SNX6: variants seen among roughly 807,000 people sequenced by gnomAD.
The protein encoded by SNX6 is sorting nexin-6.
A neutral mutation model predicts 63.0 loss-of-function variants in SNX6; 34 were observed. The observed-to-expected ratio is 0.54, with a 90% CI of 0.41 to 0.72. The LOEUF is 0.72. SNX6 is among the 30% of genes least tolerant of loss of function. The probability of loss-of-function intolerance (pLI) is 0.00; values close to 1 mark genes in which losing one functional copy is unlikely to be tolerated. For missense variants in SNX6, 398 were observed against 471.4 expected, an observed-to-expected ratio of 0.84 and a Z score of 1.44; for synonymous variants, 170 against 164.2, an observed-to-expected ratio of 1.04 and a Z score of -0.27.
chr14:34,592,139 G>T (rs1882418376), intron 8 of SNX6, among the ~76,000 whole-genome samples: 1 of 152,208 alleles, frequency 6.6e-6, no homozygotes. Flanking sequence ...TGTAATCCCT[G>T]CACTTTGGAA....
intron 7 of SNX6, among the ~76,000 whole-genome samples, chr14:34,596,794 G>A (rs1367138828): frequency 6.6e-6 from 1 of 151,702 alleles, no homozygotes; most frequent in Non-Finnish European, 1.5e-5. Context: ...TCAGCCTCCC[G>A]AGTAGCTGGG....
At chr14:34,568,851 A>G (rs879237682) in intron 11 of SNX6, 3 of 1,082,538 alleles carry the variant, frequency 2.8e-6, no homozygotes, top group Admixed American at 3.5e-5. Context: ...AGCCTCGGCT[A>G]AAGTGGCCAG....
rs537262744 is a variant in SNX6 at position 34,627,175 on chromosome 14, G to A, written c.54+2732C>T. The stretch of plus-strand genomic sequence containing the variant: ...TAAAAAAAAATTGTTGGCCAGGCGC[G>A]GTGGCTCACGCCTGTAATCCCAGCA... On this transcript the variant is annotated intron_variant, in intron 2 of 13. Transcript: ENST00000362031. Among the ~76,000 whole-genome samples the A allele has an allele frequency of 6.6e-5, 10 of 152,278 alleles. No homozygotes were observed. The Middle Eastern group carries it at 0.01, about 155-fold the overall frequency.
In SNX6 at chr14:34,563,051, A is replaced by G; in HGVS notation, c.*71T>C. 6 of 1,459,572 alleles carry G rather than the reference A, an allele frequency of 4.1e-6. No individual in the cohort carries two copies. The South Asian group carries it at 7.1e-5, about 17-fold the overall frequency. 90.4% of individuals were successfully genotyped at this position (1,459,572 alleles called of 1,614,324 possible). A position where few individuals can be genotyped will look rare whatever the true frequency, so the allele number is the denominator to read the frequency against. The stretch of plus-strand genomic sequence containing the variant: ...TTGTTTCCAGTGAGCATAAATGCTT[A>G]ACATCATTAAGAAAACAAAAATAAA... On this transcript the variant is annotated 3_prime_UTR_variant, in exon 14 of 14. Transcript: ENST00000362031.
At chr14:34,610,485 C>T (rs141262280) in intron 2 of SNX6, among the ~76,000 whole-genome samples, 141 of 151,304 alleles carry the variant, frequency 9.3e-4, no homozygotes, top group Non-Finnish European at 1.6e-3. Context: ...AATAAGAAGA[C>T]TATCAAGCAA....
At chr14:34,624,796 GA>G (rs1251575442) in intron 2 of SNX6, among the ~76,000 whole-genome samples, 96 of 146,278 alleles carry the variant, frequency 6.6e-4, no homozygotes, top group South Asian at 3.5e-3. Context: ...CTCCGTCTAG[GA>G]AAAAAAAAAA....
At chr14:34,606,593 C>T (rs1883030071) in intron 4 of SNX6, among the ~76,000 whole-genome samples, 1 of 152,018 alleles carries the variant, frequency 6.6e-6, no homozygotes, top group African/African-American at 2.4e-5. Context: ...GCTGGGATTA[C>T]AGGCATGTGC....
At chr14:34,604,721 C>T (rs1433538590) in intron 5 of SNX6, among the ~76,000 whole-genome samples, 2 of 151,986 alleles carry the variant, frequency 1.3e-5, no homozygotes, top group African/African-American at 4.8e-5. Flanking sequence ...TATCCCTACC[C>T]GAAAATCTGA....
At chr14:34,589,660 TA>T (rs202163988) in intron 8 of SNX6, among the ~76,000 whole-genome samples, 2 of 150,116 alleles carry the variant, frequency 1.3e-5, no homozygotes, top group African/African-American at 2.5e-5. Flanking sequence ...ACCCCATCTC[TA>T]AAAAAAAATA....
At chr14:34,603,606 C>T in intron 5 of SNX6, 135 bp from the exon 6 acceptor site, 1 of 706,532 alleles carries the variant, frequency 1.4e-6, no homozygotes, top group Non-Finnish European at 2.1e-6. Context: ...TTCATGTAAA[C>T]AAGGTTTTTA....
At chr14:34,587,389 C>G (rs953863215) in intron 8 of SNX6, among the ~76,000 whole-genome samples, 2 of 151,486 alleles carry the variant, frequency 1.3e-5, no homozygotes, top group African/African-American at 4.8e-5. Context: ...AAGAATTAGC[C>G]GAGTGTGGTG....
rs1882268825 is a variant in SNX6 at position 34,588,625 on chromosome 14, T to G, written c.719-2320A>C. ...CCAATCTGACTAAAGATGTATAAGA[T>G]CTATACAATGAAAACTACAAAACAC... On this transcript the variant is annotated intron_variant, in intron 8 of 13. Transcript: ENST00000362031. Among the ~76,000 whole-genome samples, 3 of 151,998 alleles carry G rather than the reference T, an allele frequency of 2.0e-5. No homozygotes were observed. The South Asian group carries it at 6.2e-4, about 31-fold the overall frequency.
chr14:34,605,839 G>C (rs918600868), intron 4 of SNX6, 122 bp from the exon 5 acceptor site: 2 of 1,203,958 alleles, frequency 1.7e-6, no homozygotes, highest in African/African-American at 1.6e-5. Context: ...CTGAACACCA[G>C]GAACACCCAA....
intron 5 of SNX6, chr14:34,604,301 C>G: frequency 8.1e-7 from 1 of 1,234,078 alleles, no homozygotes; most frequent in Non-Finnish European, 1.0e-6. Flanking sequence ...ATGATCAGGG[C>G]CACTGGAAAA....
chr14:34,585,876 G>A (rs575065413), intron 9 of SNX6, among the ~76,000 whole-genome samples: 91 of 151,774 alleles, frequency 6.0e-4, no homozygotes, highest in African/African-American at 2.0e-3. Flanking sequence ...ACAGGCATGA[G>A]CCACTGTGCC....
At chr14:34,599,943 T>C (rs753022574) in intron 6 of SNX6, among the ~76,000 whole-genome samples, 5 of 152,074 alleles carry the variant, frequency 3.3e-5, no homozygotes, top group Admixed American at 6.6e-5. Flanking sequence ...TAGCTCAAAT[T>C]CTAACAGCAA....
intron 8 of SNX6, among the ~76,000 whole-genome samples, chr14:34,592,605 A>G (rs1391828037): frequency 6.6e-6 from 1 of 152,128 alleles, no homozygotes; most frequent in Non-Finnish European, 1.5e-5. Flanking sequence ...TGTCACCCAG[A>G]CTGAAGTATG....
At chr14:34,617,772 T>A (rs1883475702) in intron 2 of SNX6, among the ~76,000 whole-genome samples, 1 of 151,670 alleles carries the variant, frequency 6.6e-6, no homozygotes. Context: ...ATACAAAAAA[T>A]AAGCCGGGCG....
At chr14:34,612,953 G>A (rs1419195665) in intron 2 of SNX6, among the ~76,000 whole-genome samples, 1 of 151,122 alleles carries the variant, frequency 6.6e-6, no homozygotes, top group Non-Finnish European at 1.5e-5. Context: ...GGAGGCTGAG[G>A]CAGGAGAATG....
Sources: gnomAD v4.1 joint callset for allele counts (sites outside exome capture counted in the v4.1 genomes callset) on GRCh38, gnomAD v4.1.1 for gene constraint, MANE v1.5 for transcripts, NCBI Gene and HGNC (gene_info 2026-07-23, HGNC 2026-07-21) for gene names.